RSPH4A: variants seen among roughly 807,000 people sequenced by gnomAD.
RSPH4A encodes radial spoke head protein 4 homolog A.
A neutral mutation model predicts 71.0 loss-of-function variants in RSPH4A; 47 were observed. The ratio of observed to expected loss-of-function variants is 0.66; its 90% CI spans 0.52 to 0.84. The LOEUF (loss-of-function observed/expected upper bound fraction) is 0.84. Among genes scored for constraint, RSPH4A ranks in the 40% least tolerant of loss-of-function variants. The probability of loss-of-function intolerance (pLI) is 0.00; values close to 1 mark genes in which losing one functional copy is unlikely to be tolerated. For missense variants in RSPH4A, 793 were observed against 855.2 expected (o/e 0.93, Z 0.91); for synonymous variants, 282 against 302.3 (o/e 0.93, Z 0.70).
intron 3 of RSPH4A, 101 bp downstream of exon 3, chr6:116,628,470 T>G (rs1009107128): frequency 2.2e-6 from 2 of 920,950 alleles, no homozygotes; most frequent in African/African-American, 3.3e-5. Flanking sequence ...GCCTTTGGAC[T>G]CTATTTAATA....
chr6:116,629,593 AC>A lies in RSPH4A; in HGVS notation c.1690del (p.Gln564LysfsTer20), dbSNP rs1775758975. Reference sequence around the variant, plus strand: ...GTCGCTGTAATTGGTTCAACTCCATACAAAAAAATGAGGAAGAAGAAGAGGA... The same window carrying A: ...GTCGCTGTAATTGGTTCAACTCCATAAAAAAAATGAGGAAGAAGAAGAGGA... ...QGRCNWFNSI[Q>X]KNEEEEEEED... On this transcript the variant is annotated frameshift_variant, in exon 4 of 6. Transcript: ENST00000229554. LOFTEE classifies it high-confidence loss of function. 3 of 1,613,116 alleles carry A rather than the reference AC, an allele frequency of 1.9e-6. No individual in the cohort carries two copies. Among genetic ancestry groups the A allele is most frequent in the South Asian group, 1.1e-5 (1 of 91,050 alleles).
rs532331878 is a variant in RSPH4A, at chr6:116,617,115, G to T, written c.492G>T (p.Arg164Ser). The T allele has an allele frequency of 6.2e-7, 1 of 1,614,200 alleles. No individual in the cohort carries two copies. The highest frequency in any genetic ancestry group is 2.2e-5 in the East Asian group (1 of 44,880). The change falls in exon 1 of 6, where the codon AGG becomes AGT. Residue 164 changes from arginine to serine, a missense_variant. By Grantham distance (110) the Arg-to-Ser change is moderately radical (BLOSUM62 -1). Transcript: ENST00000229554. ...QQPKPHLCGR[R>S]DVSYNNAKQK... Reference sequence around the variant, plus strand: ...CCAAACCCCACCTGTGTGGACGAAGGGACGTGAGCTATAACAACGCTAAAC... The same window carrying T: ...CCAAACCCCACCTGTGTGGACGAAGTGACGTGAGCTATAACAACGCTAAAC...
intron 2 of RSPH4A, among the ~76,000 whole-genome samples, chr6:116,623,403 A>C (rs894945246): frequency 6.6e-6 from 1 of 152,134 alleles, no homozygotes; most frequent in Non-Finnish European, 1.5e-5. Context: ...CTTCTTACAT[A>C]GTATTTACAT....
chr6:116,623,087 T>C, intron 2 of RSPH4A, 85 bp downstream of exon 2: 2 of 880,246 alleles, frequency 2.3e-6, no homozygotes, highest in South Asian at 1.4e-5. Context: ...ATACCAACTG[T>C]ATTTTATAGC....
At chr6:116,631,750 G>A (rs1488564882) in intron 5 of RSPH4A, among the ~76,000 whole-genome samples, 1 of 152,156 alleles carries the variant, frequency 6.6e-6, no homozygotes, top group Non-Finnish European at 1.5e-5. Flanking sequence ...AGTCTGATGT[G>A]CCAGGTAAAC....
In RSPH4A at chr6:116,627,785, T is replaced by C; in HGVS notation, c.1078T>C (p.Leu360=). The part of the protein sequence containing the change: ...IQRCRFWGKI[L]GLEMNYIVAE... Reference sequence around the variant, plus strand: ...AAGATGCCGCTTCTGGGGAAAGATCTTGGGTCTGGAAATGAATTATATTGT... The same window carrying C: ...AAGATGCCGCTTCTGGGGAAAGATCCTGGGTCTGGAAATGAATTATATTGT... The change falls in exon 3 of 6, where the codon TTG becomes CTG. Residue 360 remains leucine, a synonymous_variant. Transcript: ENST00000229554. The C allele has an allele frequency of 6.2e-7, 1 of 1,614,084 alleles. No homozygotes were observed. The highest frequency in any genetic ancestry group is 2.2e-5 in the East Asian group (1 of 44,868).
rs1562392910 is a variant in RSPH4A at position 116,630,544 on chromosome 6, C to T, written c.1908C>T (p.Ser636=). The T allele has an allele frequency of 1.3e-6, 2 of 1,494,064 alleles. No homozygotes were observed. The highest frequency in any genetic ancestry group is 1.7e-4 in the Middle Eastern group (1 of 5,868). 92.6% of individuals were successfully genotyped at this position (1,494,064 alleles called of 1,614,324 possible). ...TTTGGCCTGGAGCATATGCCTTCTC[C>T]AATGGCAAGTAAGTATCTGACCACT... ...SNLWPGAYAF[S]NGKKFENFYI... Residue 636 remains serine, a synonymous_variant, in exon 5 of 6, where the codon TCC becomes TCT. Transcript: ENST00000229554.
Position 116,628,102 on chromosome 6 carries a change from A to T in RSPH4A, c.1395A>T (p.Arg465=), listed in dbSNP as rs530672818. 9.9e-6 allele frequency: 16 copies of T among 1,614,190 alleles called. No individual in the cohort carries two copies. Among genetic ancestry groups the T allele is most frequent in the Non-Finnish European group, 1.4e-5 (16 of 1,180,030 alleles). The change falls in exon 3 of 6, where the codon CGA becomes CGT. Residue 465 remains arginine, a synonymous_variant. Coordinates refer to ENST00000229554, the MANE Select transcript of RSPH4A (RefSeq NM_001010892.3). ...ARKIKKFFTG[R]LDAPIISYPP... ...AAATCAAGAAATTTTTCACTGGGCG[A>T]TTGGATGCTCCCATCATAAGCTACC...
intron 2 of RSPH4A, among the ~76,000 whole-genome samples, chr6:116,627,175 T>A (rs970413041): frequency 6.6e-6 from 1 of 152,072 alleles, no homozygotes; most frequent in African/African-American, 2.4e-5. Flanking sequence ...GAACAGAAAT[T>A]CAGGAATTAT....
At chr6:116,631,018 ATAT>A (rs1473676810) in intron 5 of RSPH4A, among the ~76,000 whole-genome samples, 46 of 151,882 alleles carry the variant, frequency 3.0e-4, no homozygotes, top group African/African-American at 1.1e-3. Context: ...CATCTTTGGC[ATAT>A]TATGTGTGTG....
intron 5 of RSPH4A, among the ~76,000 whole-genome samples, chr6:116,630,913 ACTC>A (rs1014412052): frequency 1.6e-5 from 2 of 128,496 alleles, no homozygotes; most frequent in African/African-American, 2.9e-5. Flanking sequence ...CTGGTCTTGA[ACTC>A]CTAATCTCAT....
intron 1 of RSPH4A, among the ~76,000 whole-genome samples, chr6:116,619,103 A>G (rs1292058496): frequency 3.3e-5 from 5 of 152,002 alleles, no homozygotes; most frequent in Non-Finnish European, 7.4e-5. Context: ...CCCTCCAGCA[A>G]CCTCCATGTG....
chr6:116,628,023 G>A lies in RSPH4A; in HGVS notation c.1316G>A (p.Arg439Lys). 6.2e-7 allele frequency: 1 copy of A among 1,614,180 alleles called. No homozygotes were observed. Among genetic ancestry groups the A allele is most frequent in the East Asian group, 2.2e-5 (1 of 44,886 alleles). The change falls in exon 3 of 6, where the codon AGA becomes AAA. Residue 439 changes from arginine to lysine, a missense_variant. Physicochemically the swap from Arg to Lys is conservative, Grantham distance 26. Coordinates refer to ENST00000229554, the MANE Select transcript of RSPH4A (RefSeq NM_001010892.3). The part of the protein sequence containing the change: ...YVYFVCNEPG[R>K]PWVKLPPVIP... ...TATTTTGTTTGCAATGAACCAGGAAGACCATGGGTGAAGTTACCACCAGTT... is the reference window on the plus strand; with the variant it reads ...TATTTTGTTTGCAATGAACCAGGAAAACCATGGGTGAAGTTACCACCAGTT...
intron 3 of RSPH4A, 79 bp downstream of exon 3, chr6:116,628,448 T>C: frequency 8.4e-7 from 1 of 1,196,798 alleles, no homozygotes; most frequent in South Asian, 1.3e-5. Context: ...CACAAAGACA[T>C]ACAAAATAAA....
At chr6:116,617,971 A>AT (rs111567543) in intron 1 of RSPH4A, among the ~76,000 whole-genome samples, 33,132 of 152,106 alleles carry the variant, frequency 0.22, 3,965 homozygotes, top group Non-Finnish European at 0.28. Context: ...ATTTCTATAG[A>AT]TTTTTGCTTC....
In RSPH4A at chr6:116,632,505, A is replaced by C. The variant is rs143307769; in HGVS notation, c.*64A>C. ...CACACACACCCCTTATATGGGACTAATTTTACACTTTTCTGTGTTATGTGT... is the reference window on the plus strand; with the variant it reads ...CACACACACCCCTTATATGGGACTACTTTTACACTTTTCTGTGTTATGTGT... On this transcript the variant is annotated 3_prime_UTR_variant, in exon 6 of 6. Transcript: ENST00000229554. 33 of 1,555,356 alleles carry C rather than the reference A, an allele frequency of 2.1e-5. 1 individual carries two copies. The East Asian group carries it at 7.9e-4, about 37-fold the overall frequency.
intron 5 of RSPH4A, among the ~76,000 whole-genome samples, chr6:116,631,186 C>G (rs544408719): frequency 5.9e-5 from 9 of 152,042 alleles, no homozygotes; most frequent in Non-Finnish European, 1.0e-4. Context: ...TGGGTAATGA[C>G]TTATTCACTT....
At chr6:116,629,972 A>G (rs935536227) in intron 4 of RSPH4A, among the ~76,000 whole-genome samples, 1 of 152,222 alleles carries the variant, frequency 6.6e-6, no homozygotes, top group African/African-American at 2.4e-5. Flanking sequence ...TGTCTCCTTT[A>G]TTATTCTTGT....
rs1398912812 is a variant in RSPH4A, at chr6:116,616,564, C to G, written c.-60C>G. The G allele has an allele frequency of 7.0e-7, 1 of 1,419,234 alleles. No homozygotes were observed. Among genetic ancestry groups the G allele is most frequent in the Non-Finnish European group, 9.8e-7 (1 of 1,024,078 alleles). The allele number at this position is 1,419,234 out of a possible 1,614,324, so 87.9% of individuals were successfully genotyped here. On this transcript the variant is annotated 5_prime_UTR_variant, in exon 1 of 6. Transcript: ENST00000229554. ...GCGGCAAAGTAACTTAACTGAGTTG[C>G]CTTCTTCCATATTTTCACGCCCCTT...
Sources: gnomAD v4.1 joint callset for allele counts (sites outside exome capture counted in the v4.1 genomes callset) on GRCh38, gnomAD v4.1.1 for gene constraint, MANE v1.5 for transcripts, NCBI Gene and HGNC (gene_info 2026-07-23, HGNC 2026-07-21) for gene names.